ANTXR2: variants seen among roughly 807,000 people sequenced by gnomAD.
ANTXR2 encodes anthrax toxin receptor 2.
In ANTXR2, 44 loss-of-function variants were observed where a neutral mutation model predicts 73.7. The observed-to-expected ratio is 0.60, with a 90% CI of 0.47 to 0.77. The LOEUF (loss-of-function observed/expected upper bound fraction) is 0.77, where lower values mean the gene tolerates loss of function less well. ANTXR2 is among the 30% of genes least tolerant of loss of function. The probability of loss-of-function intolerance (pLI) is 0.00; values close to 1 mark genes in which losing one functional copy is unlikely to be tolerated. For synonymous variants in ANTXR2, 217 were observed against 205.9 expected, an observed-to-expected ratio of 1.05 and a Z score of -0.46; for missense variants, 604 against 592.5, an observed-to-expected ratio of 1.02 and a Z score of -0.20.
rs746587220 is a variant in ANTXR2 at position 80,071,565 on chromosome 4, G to C, written c.224+18C>G. ...CTCTACTTCTCCACTGCCTAGAAAA[G>C]TAAAGTAAGAAAGATACCTCACAAA... On this transcript the variant is annotated intron_variant, in intron 2 of 16. Transcript: ENST00000403729. 2 of 1,598,046 alleles carry C rather than the reference G, an allele frequency of 1.3e-6. No homozygotes were observed. Among genetic ancestry groups the C allele is most frequent in the Middle Eastern group, 1.7e-4 (1 of 6,022 alleles).
chr4:79,973,774 A>G (rs956967876), intron 16 of ANTXR2, among the ~76,000 whole-genome samples: 1 of 152,184 alleles, frequency 6.6e-6, no homozygotes, highest in African/African-American at 2.4e-5. Context: ...TGAAAATGGA[A>G]AGCTGGGAAA....
At chr4:80,064,068 A>G (rs1023394809) in intron 3 of ANTXR2, among the ~76,000 whole-genome samples, 2 of 152,184 alleles carry the variant, frequency 1.3e-5, no homozygotes, top group Admixed American at 6.5e-5. Context: ...TAAATTTTTA[A>G]TTCAGCTTTT....
At chr4:80,057,260 G>C (rs1734043119) in intron 3 of ANTXR2, among the ~76,000 whole-genome samples, 1 of 151,888 alleles carries the variant, frequency 6.6e-6, no homozygotes, top group Admixed American at 6.6e-5. Flanking sequence ...ACTTACTGGG[G>C]CCATACACAA....
chr4:79,913,435 T>C lies in ANTXR2; in HGVS notation c.1429-5968A>G, dbSNP rs557461522. Among the ~76,000 whole-genome samples the C allele has an allele frequency of 7.2e-5, 11 of 152,286 alleles. No individual in the cohort carries two copies. The East Asian group carries it at 1.9e-3, about 27-fold the overall frequency. ...AAAAATGTGTTTGTGTGTATGTCTA[T>C]AAGTGCATGTCAGCACACATGTACA... On this transcript the variant is annotated intron_variant, in intron 16 of 16. Coordinates refer to ENST00000403729, the MANE Select transcript of ANTXR2 (RefSeq NM_058172.6).
intron 7 of ANTXR2, among the ~76,000 whole-genome samples, chr4:80,040,812 A>C (rs1228160950): frequency 6.6e-6 from 1 of 151,960 alleles, no homozygotes; most frequent in Non-Finnish European, 1.5e-5. Flanking sequence ...ATCACCATGA[A>C]AAAGTATACT....
intron 12 of ANTXR2, among the ~76,000 whole-genome samples, chr4:80,004,697 G>T (rs993362054): frequency 6.6e-6 from 1 of 152,074 alleles, no homozygotes; most frequent in Non-Finnish European, 1.5e-5. Flanking sequence ...ATAATGTCAA[G>T]ATTTTTAATT....
intron 16 of ANTXR2, among the ~76,000 whole-genome samples, chr4:79,935,152 C>T (rs1037088851): frequency 7.3e-5 from 11 of 150,934 alleles, no homozygotes; most frequent in South Asian, 4.2e-4. Context: ...GTTTGTAACA[C>T]GCCCTTAAAA....
At chr4:80,008,196 T>C (rs1242580811) in intron 12 of ANTXR2, among the ~76,000 whole-genome samples, 4 of 152,294 alleles carry the variant, frequency 2.6e-5, no homozygotes, top group Admixed American at 6.5e-5. Context: ...CTCCTCTCAA[T>C]GAACCCAAAA....
chr4:79,932,103 G>A (rs73828815), intron 16 of ANTXR2, among the ~76,000 whole-genome samples: 12,754 of 152,120 alleles, frequency 0.084, 648 homozygotes, highest in Middle Eastern at 0.23. Context: ...CAAAAAGAGA[G>A]ACTTGATATA....
At position 80,072,395 on chromosome 4, in the gene ANTXR2, C is replaced by T. The variant is rs773714383; in HGVS notation, c.152+14G>A. 1.7e-5 allele frequency: 27 copies of T among 1,585,350 alleles called. No individual in the cohort carries two copies. The highest frequency in any genetic ancestry group is 1.7e-4 in the Middle Eastern group (1 of 6,006). Reference sequence around the variant, plus strand: ...CCCTCACCAGGAGACCCTGGACCTCCCTCGCACACTCACTTGTCCAGGACG... The same window carrying T: ...CCCTCACCAGGAGACCCTGGACCTCTCTCGCACACTCACTTGTCCAGGACG... On this transcript the variant is annotated intron_variant, in intron 1 of 16. Coordinates refer to ENST00000403729, the MANE Select transcript of ANTXR2 (RefSeq NM_058172.6).
intron 12 of ANTXR2, among the ~76,000 whole-genome samples, chr4:79,990,405 C>G (rs910341507): frequency 1.5e-5 from 1 of 65,432 alleles, no homozygotes; most frequent in Non-Finnish European, 3.8e-5. Flanking sequence ...AAAAAAAACA[C>G]CTTGTAATAC....
chr4:80,030,842 A>G (rs1023515117), intron 10 of ANTXR2, among the ~76,000 whole-genome samples: 1 of 152,000 alleles, frequency 6.6e-6, no homozygotes, highest in Non-Finnish European at 1.5e-5. Flanking sequence ...GATCTATATA[A>G]AGAGATCCTA....
At chr4:79,917,528 G>C (rs1727402306) in intron 16 of ANTXR2, among the ~76,000 whole-genome samples, 1 of 152,140 alleles carries the variant, frequency 6.6e-6, no homozygotes, top group African/African-American at 2.4e-5. Context: ...TAAGGGGACT[G>C]TGGCAGTTAG....
intron 11 of ANTXR2, among the ~76,000 whole-genome samples, chr4:80,013,575 C>G (rs1482789121): frequency 6.6e-6 from 1 of 152,218 alleles, no homozygotes; most frequent in Non-Finnish European, 1.5e-5. Context: ...AAAGCATTAT[C>G]CTCACAATGA....
At chr4:79,963,346 C>T (rs1005684123) in intron 16 of ANTXR2, among the ~76,000 whole-genome samples, 7 of 152,052 alleles carry the variant, frequency 4.6e-5, no homozygotes, top group Non-Finnish European at 1.0e-4. Flanking sequence ...ACTTGTGCAA[C>T]CTGTCTTCTC....
At chr4:79,911,126 A>G (rs888645655) in intron 16 of ANTXR2, among the ~76,000 whole-genome samples, 3 of 152,216 alleles carry the variant, frequency 2.0e-5, no homozygotes, top group African/African-American at 7.2e-5. Context: ...GCTGCCATTT[A>G]TATTACAGCA....
intron 16 of ANTXR2, among the ~76,000 whole-genome samples, chr4:79,975,848 G>C (rs768596031): frequency 6.6e-6 from 1 of 151,746 alleles, no homozygotes; most frequent in African/African-American, 2.4e-5. Flanking sequence ...TCTACTTATG[G>C]TCTTAGCAAA....
intron 2 of ANTXR2, among the ~76,000 whole-genome samples, chr4:80,071,131 T>C (rs1276115220): frequency 6.6e-6 from 1 of 152,242 alleles, no homozygotes; most frequent in Non-Finnish European, 1.5e-5. Flanking sequence ...CACAAGTGCC[T>C]TTTCTGGTAG....
intron 12 of ANTXR2, among the ~76,000 whole-genome samples, chr4:79,998,456 C>T (rs1730841639): frequency 6.6e-6 from 1 of 151,974 alleles, no homozygotes; most frequent in African/African-American, 2.4e-5. Context: ...TTTGCCACCT[C>T]ATCTGTAATT....
Sources: gnomAD v4.1 joint callset for allele counts (sites outside exome capture counted in the v4.1 genomes callset) on GRCh38, gnomAD v4.1.1 for gene constraint, MANE v1.5 for transcripts, NCBI Gene and HGNC (gene_info 2026-07-23, HGNC 2026-07-21) for gene names.